CREB5: variants seen among roughly 807,000 people sequenced by gnomAD.
CREB5 encodes the protein cyclic AMP-responsive element-binding protein 5.
Under a neutral mutation model 57.1 loss-of-function variants are expected in CREB5, and 19 were observed. The ratio of observed to expected loss-of-function variants is 0.33; its 90% confidence interval spans 0.23 to 0.49. CREB5 has a LOEUF of 0.49. Among genes scored for constraint, CREB5 ranks in the 20% least tolerant of loss-of-function variants. The pLI is 0.99. For synonymous variants in CREB5, 238 were observed against 238.3 expected, an observed-to-expected ratio of 1.00 and a Z score of 0.01; for missense variants, 579 against 671.6, an observed-to-expected ratio of 0.86 and a Z score of 1.52.
At chr7:28,742,901 G>C (rs1444184918) in intron 7 of CREB5, among the ~76,000 whole-genome samples, 1 of 152,058 alleles carries the variant, frequency 6.6e-6, no homozygotes, top group African/African-American at 2.4e-5. Context: ...TCCTGCTTCA[G>C]ACTCCTGAGT....
intron 4 of CREB5, among the ~76,000 whole-genome samples, chr7:28,527,491 T>G (rs1793495794): frequency 6.6e-6 from 1 of 152,200 alleles, no homozygotes; most frequent in African/African-American, 2.4e-5. Flanking sequence ...GCTGCTGGTC[T>G]GGGACCACAC....
chr7:28,578,446 T>G (rs994279326), intron 5 of CREB5, among the ~76,000 whole-genome samples: 1 of 152,228 alleles, frequency 6.6e-6, no homozygotes. Flanking sequence ...CTGTGTGAAC[T>G]GAACATGTTA....
At chr7:28,810,513 A>G (rs903405516) in intron 9 of CREB5, among the ~76,000 whole-genome samples, 4 of 152,042 alleles carry the variant, frequency 2.6e-5, no homozygotes, top group African/African-American at 9.7e-5. Context: ...GCCAAGGTGC[A>G]GAAACCCCGT....
At chr7:28,783,429 A>G (rs1056980798) in intron 7 of CREB5, among the ~76,000 whole-genome samples, 2 of 152,196 alleles carry the variant, frequency 1.3e-5, no homozygotes, top group Non-Finnish European at 2.9e-5. Context: ...TTTTGTCCAG[A>G]ATTTGACTTC....
At chr7:28,447,754 C>G (rs1789558168) in intron 1 of CREB5, among the ~76,000 whole-genome samples, 1 of 152,144 alleles carries the variant, frequency 6.6e-6, no homozygotes, top group African/African-American at 2.4e-5. Flanking sequence ...AATGTGGCTT[C>G]TGATGACACA....
Position 28,802,078 on chromosome 7 carries a change from G to GGA in CREB5, c.703-2121_703-2120insGA, listed in dbSNP as rs1554301239. Among the ~76,000 whole-genome samples the GGA allele has an allele frequency of 2.3e-3, 62 of 26,648 alleles. 3 individuals carry two copies. In the South Asian group the frequency reaches 0.043, roughly 18 times the overall value. 17.5% of individuals were successfully genotyped at this position (26,648 alleles called of 152,430 possible). Reference sequence around the variant, plus strand: ...CTGGCGACACAGCGAGACTCCATCTGAAAAAAAAAAAAAAAAAAAAAAAAA... The same window carrying GGA: ...CTGGCGACACAGCGAGACTCCATCTGGAAAAAAAAAAAAAAAAAAAAAAAAAA... On this transcript the variant is annotated intron_variant, in intron 7 of 10. Transcript: ENST00000357727.
At chr7:28,650,325 A>G (rs1048869066) in intron 5 of CREB5, among the ~76,000 whole-genome samples, 2 of 152,158 alleles carry the variant, frequency 1.3e-5, no homozygotes, top group African/African-American at 4.8e-5. Context: ...ACTTGTAGCC[A>G]TGGAGTGGGA....
In CREB5 at chr7:28,625,099, A is replaced by G. The variant is rs2128688815; in HGVS notation, c.464+54562A>G. Among the ~76,000 whole-genome samples, 4 of 151,988 alleles carry G rather than the reference A, an allele frequency of 2.6e-5. No homozygotes were observed. In the South Asian group the frequency reaches 8.3e-4, roughly 32 times the overall value. ...AATTCCCATGGCTACATTATAAGGC[A>G]GAAACTATTATTAACCCCGTTCTAC... is the stretch of plus-strand genomic sequence containing the variant. On this transcript the variant is annotated intron_variant, in intron 5 of 10. Coordinates refer to ENST00000357727, the MANE Select transcript of CREB5 (RefSeq NM_182898.4).
chr7:28,366,441 T>C (rs1786588534), intron 1 of CREB5, among the ~76,000 whole-genome samples: 1 of 152,174 alleles, frequency 6.6e-6, no homozygotes, highest in Admixed American at 6.5e-5. Context: ...AGGATACTAC[T>C]ACTTATTGTT....
At chr7:28,811,178 T>C (rs941603650) in intron 9 of CREB5, among the ~76,000 whole-genome samples, 45 of 152,256 alleles carry the variant, frequency 3.0e-4, no homozygotes, top group Non-Finnish European at 2.8e-4. Context: ...GTTTATAGTA[T>C]AGTGTCTACA....
chr7:28,497,605 C>G (rs1014889351), intron 3 of CREB5, among the ~76,000 whole-genome samples: 6 of 152,166 alleles, frequency 3.9e-5, no homozygotes, highest in African/African-American at 1.4e-4. Flanking sequence ...TTGCTACCTA[C>G]TTTGCATGTT....
intron 1 of CREB5, among the ~76,000 whole-genome samples, chr7:28,380,273 C>T (rs577799648): frequency 6.6e-6 from 1 of 152,222 alleles, no homozygotes; most frequent in East Asian, 1.9e-4. Context: ...GTGAGCTGGC[C>T]CTGCAGAAGG....
chr7:28,334,287 C>T (rs1348106507), intron 1 of CREB5, among the ~76,000 whole-genome samples: 1 of 152,068 alleles, frequency 6.6e-6, no homozygotes, highest in Non-Finnish European at 1.5e-5. Context: ...TCCTGAGTAG[C>T]TGGGATTACA....
chr7:28,507,559 T>C, intron 3 of CREB5, 57 bp from the exon 4 acceptor site: 4 of 1,552,914 alleles, frequency 2.6e-6, no homozygotes, highest in Non-Finnish European at 3.5e-6. Context: ...AGCTCATGCT[T>C]GCTACTGGCT....
At chr7:28,756,570 A>C (rs1805320847) in intron 7 of CREB5, among the ~76,000 whole-genome samples, 1 of 151,302 alleles carries the variant, frequency 6.6e-6, no homozygotes, top group Admixed American at 6.6e-5. Context: ...AAAAAAAAAA[A>C]CAGCACATTG....
intron 5 of CREB5, among the ~76,000 whole-genome samples, chr7:28,587,669 G>A (rs982192557): frequency 1.3e-5 from 2 of 152,168 alleles, no homozygotes; most frequent in African/African-American, 4.8e-5. Context: ...CCAATTTCCT[G>A]TGAAATCTCT....
chr7:28,402,063 T>C (rs373427959), intron 1 of CREB5, among the ~76,000 whole-genome samples: 4,366 of 152,284 alleles, frequency 0.029, 211 homozygotes, highest in African/African-American at 0.1. Flanking sequence ...CCACATCCTC[T>C]CCAGCACCTG....
intron 1 of CREB5, among the ~76,000 whole-genome samples, chr7:28,299,777 T>C (rs1263610112): frequency 2.0e-5 from 3 of 152,232 alleles, no homozygotes; most frequent in Non-Finnish European, 4.4e-5. Context: ...CTATGTTAGA[T>C]AGATATATTT....
At chr7:28,448,733 G>T (rs1038206307) in intron 1 of CREB5, among the ~76,000 whole-genome samples, 1 of 152,222 alleles carries the variant, frequency 6.6e-6, no homozygotes, top group Admixed American at 6.5e-5. Context: ...AGGAATTGAC[G>T]AGCTAGCTGG....
Sources: gnomAD v4.1 joint callset for allele counts (sites outside exome capture counted in the v4.1 genomes callset) on GRCh38, gnomAD v4.1.1 for gene constraint, MANE v1.5 for transcripts, NCBI Gene and HGNC (gene_info 2026-07-23, HGNC 2026-07-21) for gene names.